Variants in PIK3CA observed in about 807,000 individuals in gnomAD.
PIK3CA encodes phosphatidylinositol 4,5-bisphosphate 3-kinase catalytic subunit alpha isoform.
Under a neutral mutation model 138.2 loss-of-function variants are expected in PIK3CA, and 27 were observed. The observed-to-expected ratio is 0.20, with a 90% confidence interval of 0.14 to 0.27. The LOEUF (loss-of-function observed/expected upper bound fraction) is 0.27, where lower values mean the gene tolerates loss of function less well. PIK3CA is among the 10% of genes least tolerant of loss of function. The pLI is 1.00. For synonymous variants in PIK3CA, 358 were observed against 413.2 expected (o/e 0.87, Z 1.62); for missense variants, 544 against 1,277.4 (o/e 0.43, Z 8.75).
In PIK3CA at chr3:179,155,318, A is replaced by G. The variant is rs2108350259; in HGVS notation, c.-77+6715A>G. On this transcript the variant is annotated intron_variant, in intron 1 of 20. Transcript: ENST00000263967. ...ATCTTTGTGACATAGAATCATATTT[A>G]GAAATAAAAATACTTTCTTATATTT... is the stretch of plus-strand genomic sequence containing the variant. Among the ~76,000 whole-genome samples, 3 of 152,346 alleles carry G rather than the reference A, an allele frequency of 2.0e-5. No individual in the cohort carries two copies. The South Asian group carries it at 6.2e-4, about 32-fold the overall frequency.
chr3:179,186,008 G>A (rs35779491), intron 1 of PIK3CA, among the ~76,000 whole-genome samples: 1 of 152,324 alleles, frequency 6.6e-6, no homozygotes, highest in Non-Finnish European at 1.5e-5. Context: ...TGGGTAGGGG[G>A]TGGAGGTAGG....
chr3:179,203,027 G>A (rs923846874), intron 4 of PIK3CA, among the ~76,000 whole-genome samples: 7 of 140,722 alleles, frequency 5.0e-5, no homozygotes, highest in Admixed American at 2.3e-4. Context: ...TGCAAGCTCC[G>A]CCTCCCGGGT....
rs6777203 is a variant in PIK3CA, at chr3:179,220,766, A to T, written c.2016-220A>T. On this transcript the variant is annotated intron_variant, in intron 13 of 20. Coordinates refer to ENST00000263967, the MANE Select transcript of PIK3CA (RefSeq NM_006218.4). The surrounding 1 kb of genome is among the most constrained non-coding windows in gnomAD (Gnocchi z 4.1). The stretch of plus-strand genomic sequence containing the variant: ...AGTCAATGAAAACTAGTTGAAATAA[A>T]CCTAAAAACTAGATGTTTATTTAAT... 0.24 allele frequency among the ~76,000 whole-genome samples: 36,538 copies of T among 151,942 alleles called. 5,145 individuals carry two copies. Among genetic ancestry groups the T allele is most frequent in the African/African-American group, 0.39 (16,090 of 41,380 alleles).
At chr3:179,206,068 A>C (rs1418850209) in intron 6 of PIK3CA, among the ~76,000 whole-genome samples, 1 of 151,734 alleles carries the variant, frequency 6.6e-6, no homozygotes, top group Non-Finnish European at 1.5e-5. Context: ...AGATTGTGAC[A>C]ACAAACAACT....
intron 1 of PIK3CA, among the ~76,000 whole-genome samples, chr3:179,191,703 C>T (rs1350952426): frequency 6.6e-6 from 1 of 152,160 alleles, no homozygotes; most frequent in East Asian, 1.9e-4. Context: ...ATGGCGCAGT[C>T]TCGGCTCACT....
At chr3:179,169,015 TTTGAGATGTTTATTTA>T (rs1288950993) in intron 1 of PIK3CA, 1 of 152,194 alleles carries the variant, frequency 6.6e-6, no homozygotes, top group Non-Finnish European at 1.5e-5. Context: ...TGGTTAAACT[TTTGAGATGTTTATTTA>T]TTTTCCCACG....
At chr3:179,210,631 C>T (rs1576938767) in intron 9 of PIK3CA, 66 bp downstream of exon 9, 1 of 1,481,662 alleles carries the variant, frequency 6.7e-7, no homozygotes, top group Non-Finnish European at 9.3e-7. Flanking sequence ...GATACTTTCT[C>T]TATGGAAAAG....
chr3:179,182,070 C>G (rs1364402695), intron 1 of PIK3CA, among the ~76,000 whole-genome samples: 1 of 152,182 alleles, frequency 6.6e-6, no homozygotes, highest in Non-Finnish European at 1.5e-5. Flanking sequence ...CCTCTTTACT[C>G]CCTAGTGACG....
At chr3:179,183,498 A>G (rs1295590800) in intron 1 of PIK3CA, among the ~76,000 whole-genome samples, 2 of 152,188 alleles carry the variant, frequency 1.3e-5, no homozygotes, top group African/African-American at 4.8e-5. Context: ...TAGAGCCAGG[A>G]AAAAGTTGTT....
chr3:179,184,642 G>A (rs115811263), intron 1 of PIK3CA, among the ~76,000 whole-genome samples: 41 of 152,278 alleles, frequency 2.7e-4, no homozygotes, highest in South Asian at 8.3e-4. Context: ...TGTATCTGCT[G>A]GTGTCCCCAA....
Position 179,210,321 on chromosome 3 carries a change from G to C in PIK3CA, c.1387G>C (p.Gly463Arg). ...TTTGCTGAACCCTATTGGTGTTACT[G>C]GATCAAATCCAAATAAAGTAAGGTT... ...EDLLNPIGVT[G>R]SNPNKETPCL... is the part of the protein sequence containing the mutation. The change falls in exon 8 of 21, where the codon GGA (glycine) becomes CGA (arginine). Residue 463 changes from glycine (G) to arginine (R), a missense_variant. Transcript: ENST00000263967. The C allele has an allele frequency of 6.3e-7, 1 of 1,586,048 alleles. No homozygotes were observed. The highest frequency in any genetic ancestry group is 1.2e-5 in the South Asian group (1 of 85,580).
At chr3:179,165,521 C>T (rs935453157) in intron 1 of PIK3CA, among the ~76,000 whole-genome samples, 5 of 152,110 alleles carry the variant, frequency 3.3e-5, no homozygotes, top group Non-Finnish European at 7.4e-5. Context: ...CCTCCCAAAG[C>T]CTTAAGATTG....
At chr3:179,176,654 T>C (rs778043476) in intron 1 of PIK3CA, among the ~76,000 whole-genome samples, 13 of 152,202 alleles carry the variant, frequency 8.5e-5, no homozygotes, top group Non-Finnish European at 7.3e-5. Context: ...GTCTATATCA[T>C]TGATATTATC....
chr3:179,177,579 C>G (rs1210916411), intron 1 of PIK3CA, among the ~76,000 whole-genome samples: 1 of 152,018 alleles, frequency 6.6e-6, no homozygotes, highest in Non-Finnish European at 1.5e-5. Flanking sequence ...TCCCAAAGTG[C>G]TGGAATTACA....
At chr3:179,160,390 GT>G (rs11363309) in intron 1 of PIK3CA, among the ~76,000 whole-genome samples, 86,230 of 152,020 alleles carry the variant, frequency 0.57, 25,674 homozygotes, top group African/African-American at 0.75. Flanking sequence ...GTCTAGGTAT[GT>G]TACATTTTGT....
Position 179,236,678 on chromosome 3 carries a change from C to A in PIK3CA, c.*2314C>A. 4.4e-6 allele frequency: 1 copy of A among 226,722 alleles called. No individual in the cohort carries two copies. Among genetic ancestry groups the A allele is most frequent in the Non-Finnish European group, 8.9e-6 (1 of 112,682 alleles). 14.0% of individuals were successfully genotyped at this position (226,722 alleles called of 1,614,324 possible). ...AGGACCTCTCCACCATTAAAATGCA[C>A]AAACCACATGGCCGATTTCACCATT... On this transcript the variant is annotated 3_prime_UTR_variant, in exon 21 of 21. Transcript: ENST00000263967.
chr3:179,200,680 A>T (rs561753517), intron 3 of PIK3CA, among the ~76,000 whole-genome samples: 50 of 152,322 alleles, frequency 3.3e-4, no homozygotes, highest in African/African-American at 1.2e-3. Flanking sequence ...AATTTTCAAC[A>T]TATAGACAAC....
intron 1 of PIK3CA, among the ~76,000 whole-genome samples, chr3:179,192,976 T>A (rs1724172140): frequency 6.6e-6 from 1 of 152,220 alleles, no homozygotes; most frequent in African/African-American, 2.4e-5. Flanking sequence ...TAAGAAACCT[T>A]CCAGTATAAA....
At chr3:179,233,955 A>G in intron 20 of PIK3CA, 139 bp from the exon 21 acceptor site, 1 of 596,446 alleles carries the variant, frequency 1.7e-6, no homozygotes, top group Non-Finnish European at 2.9e-6. Flanking sequence ...AGATGTTGGT[A>G]AGAGAAGTGA....
Sources: gnomAD v4.1 joint callset for allele counts (sites outside exome capture counted in the v4.1 genomes callset) on GRCh38, gnomAD v4.1.1 for gene constraint, Gnocchi (gnomAD v3.1) non-coding constraint, MANE v1.5 for transcripts, NCBI Gene and HGNC (gene_info 2026-07-23, HGNC 2026-07-21) for gene names.